Variants in EXOC6B observed in about 807,000 individuals in gnomAD.
The protein encoded by EXOC6B is exocyst complex component 6B.
In EXOC6B, 54 loss-of-function variants were observed where a neutral mutation model predicts 113.5. The observed-to-expected ratio is 0.48, with a 90% confidence interval of 0.38 to 0.60. EXOC6B has a LOEUF of 0.60. Ranked by LOEUF, EXOC6B falls within the 20% of genes least tolerant of loss-of-function variation. The pLI, the probability that EXOC6B is intolerant of heterozygous loss-of-function variation, is 0.00. For synonymous variants in EXOC6B, 357 were observed against 339.0 expected, an observed-to-expected ratio of 1.05 and a Z score of -0.58; for missense variants, 797 against 977.5, an observed-to-expected ratio of 0.82 and a Z score of 2.46.
At chr2:72,510,437 C>T (rs535513612) in intron 11 of EXOC6B, among the ~76,000 whole-genome samples, 1 of 151,338 alleles carries the variant, frequency 6.6e-6, no homozygotes, top group Admixed American at 6.6e-5. Context: ...TACTGCAATG[C>T]TTTTAATAGC....
chr2:72,647,835 A>T (rs1673853978), intron 6 of EXOC6B, among the ~76,000 whole-genome samples: 1 of 152,216 alleles, frequency 6.6e-6, no homozygotes, highest in South Asian at 2.1e-4. Context: ...TCCTAGAAGA[A>T]AACCTAGGCA....
At chr2:72,259,026 C>T (rs1400280770) in intron 20 of EXOC6B, among the ~76,000 whole-genome samples, 1 of 152,138 alleles carries the variant, frequency 6.6e-6, no homozygotes, top group Non-Finnish European at 1.5e-5. Flanking sequence ...TCAATACTTG[C>T]TTACAGTTCT....
intron 19 of EXOC6B, among the ~76,000 whole-genome samples, chr2:72,357,295 G>C (rs951756925): frequency 1.3e-5 from 2 of 152,172 alleles, no homozygotes; most frequent in Non-Finnish European, 2.9e-5. Flanking sequence ...CTTTAACATA[G>C]GGAGGCATGT....
intron 18 of EXOC6B, among the ~76,000 whole-genome samples, chr2:72,420,377 T>A (rs978485835): frequency 6.6e-5 from 10 of 152,152 alleles, no homozygotes; most frequent in Admixed American, 6.5e-4. Context: ...CCTAATGCTA[T>A]CCCTCCCCTA....
At chr2:72,194,311 G>T (rs1037927398) in intron 20 of EXOC6B, among the ~76,000 whole-genome samples, 2 of 152,128 alleles carry the variant, frequency 1.3e-5, no homozygotes, top group African/African-American at 2.4e-5. Flanking sequence ...AAGGTAGAAG[G>T]AATTTGGTAT....
intron 18 of EXOC6B, among the ~76,000 whole-genome samples, chr2:72,440,203 G>C (rs936170041): frequency 6.6e-6 from 1 of 152,172 alleles, no homozygotes. Context: ...CTTTCATAGA[G>C]GAATTGTGCT....
At chr2:72,528,690 A>G (rs1181505291) in intron 8 of EXOC6B, among the ~76,000 whole-genome samples, 1 of 152,026 alleles carries the variant, frequency 6.6e-6, no homozygotes, top group Non-Finnish European at 1.5e-5. Context: ...CCCTCCATCT[A>G]TTTACATATA....
chr2:72,729,811 A>C (rs1249134189), intron 5 of EXOC6B, among the ~76,000 whole-genome samples: 11 of 152,108 alleles, frequency 7.2e-5, no homozygotes, highest in Admixed American at 7.2e-4. Context: ...CTCAGACAGA[A>C]CTTCTCATAG....
chr2:72,496,605 T>TG (rs746645705), intron 13 of EXOC6B, 46 bp from the exon 14 acceptor site: 25 of 1,140,376 alleles, frequency 2.2e-5, no homozygotes, highest in South Asian at 1.2e-4. Context: ...ATAGACAAAG[T>TG]GGGGGGGTAG....
chr2:72,391,302 A>AT (rs34419127), intron 18 of EXOC6B, among the ~76,000 whole-genome samples: 20,661 of 151,958 alleles, frequency 0.14, 1,735 homozygotes, highest in African/African-American at 0.24. Context: ...TTTGAAATAT[A>AT]TTTTTGCTGA....
intron 6 of EXOC6B, among the ~76,000 whole-genome samples, chr2:72,701,233 T>G (rs1400034186): frequency 1.3e-5 from 2 of 151,248 alleles, no homozygotes; most frequent in Non-Finnish European, 2.9e-5. Flanking sequence ...TCCCAGCTAC[T>G]CTGGAGGCTG....
chr2:72,329,152 C>A (rs977365119), intron 20 of EXOC6B, among the ~76,000 whole-genome samples: 8 of 152,104 alleles, frequency 5.3e-5, no homozygotes, highest in Non-Finnish European at 7.4e-5. Context: ...CTTTCCCCTG[C>A]TACCTACCCC....
chr2:72,665,402 A>T (rs541073868), intron 6 of EXOC6B, among the ~76,000 whole-genome samples: 1 of 152,312 alleles, frequency 6.6e-6, no homozygotes, highest in African/African-American at 2.4e-5. Context: ...CAGTCATCAG[A>T]TTCGCAAAGG....
At chr2:72,387,427 T>C (rs1243517041) in intron 18 of EXOC6B, among the ~76,000 whole-genome samples, 2 of 152,310 alleles carry the variant, frequency 1.3e-5, no homozygotes, top group South Asian at 2.1e-4. Flanking sequence ...AAATGTTTGA[T>C]AGAATTTACT....
At chr2:72,806,707 T>G (rs1685596278) in intron 1 of EXOC6B, among the ~76,000 whole-genome samples, 1 of 149,466 alleles carries the variant, frequency 6.7e-6, no homozygotes, top group Non-Finnish European at 1.5e-5. Context: ...ATTTTCTGAC[T>G]TTTTAATAAC....
chr2:72,254,172 A>G (rs906008392), intron 20 of EXOC6B, among the ~76,000 whole-genome samples: 6 of 152,002 alleles, frequency 3.9e-5, no homozygotes, highest in African/African-American at 7.2e-5. Context: ...AAAAAAAAAG[A>G]TATGTTCAAG....
chr2:72,276,577 C>T (rs1227051484), intron 20 of EXOC6B, among the ~76,000 whole-genome samples: 1 of 152,090 alleles, frequency 6.6e-6, no homozygotes, highest in African/African-American at 2.4e-5. Flanking sequence ...AAACTAGTGG[C>T]CTGAAAGCTT....
chr2:72,737,155 G>A (rs1011754546), intron 2 of EXOC6B, among the ~76,000 whole-genome samples: 4 of 151,814 alleles, frequency 2.6e-5, no homozygotes, highest in Non-Finnish European at 5.9e-5. Context: ...TGGCCAACAC[G>A]GCAAAACCTC....
intron 8 of EXOC6B, among the ~76,000 whole-genome samples, chr2:72,517,263 C>G (rs1275921127): frequency 6.6e-6 from 1 of 152,138 alleles, no homozygotes; most frequent in East Asian, 1.9e-4. Flanking sequence ...ACAGTTTTCA[C>G]CTTTCATTAA....
Sources: allele counts gnomAD v4.1 joint callset (sites outside exome capture counted in the v4.1 genomes callset), GRCh38; gene constraint gnomAD v4.1.1; transcripts MANE v1.5; gene names NCBI Gene and HGNC (gene_info 2026-07-23, HGNC 2026-07-21).